Variants in KCNQ1 observed in about 807,000 individuals in gnomAD.
KCNQ1 encodes the protein potassium voltage-gated channel subfamily KQT member 1.
In KCNQ1, 49 loss-of-function variants were observed where a neutral mutation model predicts 72.4. The observed-to-expected ratio is 0.68, with a 90% CI of 0.54 to 0.86. The LOEUF is 0.86. Among genes scored for constraint, KCNQ1 ranks in the 40% least tolerant of loss-of-function variants. The pLI is 0.00. For synonymous variants in KCNQ1, 450 were observed against 412.6 expected (o/e 1.09, Z -1.10); for missense variants, 790 against 945.1 (o/e 0.84, Z 2.15).
At chr11:2,740,621 G>A (rs1366974995) in intron 11 of KCNQ1, among the ~76,000 whole-genome samples, 2 of 152,236 alleles carry the variant, frequency 1.3e-5, no homozygotes, top group African/African-American at 4.8e-5. Flanking sequence ...GCTGGAACAA[G>A]TCGCCAAAAT....
chr11:2,835,423 A>ACACACACG (rs1848041665), intron 15 of KCNQ1, among the ~76,000 whole-genome samples: 1 of 151,746 alleles, frequency 6.6e-6, no homozygotes, highest in East Asian at 1.9e-4. Context: ...ACACACACAC[A>ACACACACG]CACACGCACA....
At chr11:2,694,371 G>C (rs1850638219) in intron 11 of KCNQ1, 1 of 398,646 alleles carries the variant, frequency 2.5e-6, no homozygotes, top group Non-Finnish European at 4.4e-6. Flanking sequence ...GATATTTTTG[G>C]CTATCATGAC....
chr11:2,713,332 G>A lies in KCNQ1; in HGVS notation c.1514+51251G>A, dbSNP rs146188913. On this transcript the variant is annotated intron_variant, in intron 11 of 15. Coordinates refer to ENST00000155840, the MANE Select transcript of KCNQ1 (RefSeq NM_000218.3). The surrounding 1 kb of genome is among the most constrained non-coding windows in gnomAD (Gnocchi z 5.6). ...CTTCTGGGCTCTTCCTCTGCTGCTCGCCATAAAAACTCTCCAGTCATCTTT... is the reference window on the plus strand; with the variant it reads ...CTTCTGGGCTCTTCCTCTGCTGCTCACCATAAAAACTCTCCAGTCATCTTT... Among the ~76,000 whole-genome samples the A allele has an allele frequency of 3.3e-3, 502 of 152,212 alleles. 4 individuals are homozygous for A. The highest frequency in any genetic ancestry group is 3.9e-3 in the Non-Finnish European group (266 of 68,030).
rs1026394085 is a variant in KCNQ1, at chr11:2,613,945, A to G, written c.1393+25091A>G. ...TGCCCTTTTGAACTTTGCTTTTCTCACCTAACAACATCTCCTAGAAATCAC... is the reference window on the plus strand; with the variant it reads ...TGCCCTTTTGAACTTTGCTTTTCTCGCCTAACAACATCTCCTAGAAATCAC... On this transcript the variant is annotated intron_variant, in intron 10 of 15. Coordinates refer to ENST00000155840, the MANE Select transcript of KCNQ1 (RefSeq NM_000218.3). The surrounding 1 kb of genome is among the most constrained non-coding windows in gnomAD (Gnocchi z 4.8). 1.3e-5 allele frequency: 5 copies of G among 398,420 alleles called. No individual in the cohort carries two copies. Among genetic ancestry groups the G allele is most frequent in the African/African-American group, 1.0e-4 (5 of 48,604 alleles). The allele number at this position is 398,420 out of a possible 1,614,324, so 24.7% of individuals were successfully genotyped here. A position where few individuals can be genotyped will look rare whatever the true frequency, so the allele number is the denominator to read the frequency against.
chr11:2,744,829 C>G (rs760288617), intron 11 of KCNQ1, among the ~76,000 whole-genome samples: 1 of 152,266 alleles, frequency 6.6e-6, no homozygotes, highest in African/African-American at 2.4e-5. Flanking sequence ...CCTTTGCATT[C>G]GGAAGAATCC....
At chr11:2,685,023 C>G in intron 11 of KCNQ1, 1 of 398,658 alleles carries the variant, frequency 2.5e-6, no homozygotes, top group Non-Finnish European at 4.4e-6. Context: ...CCATCCCTGT[C>G]TCATGGGTGA....
In KCNQ1 at chr11:2,611,771, A is replaced by G. The variant is rs1848982686; in HGVS notation, c.1393+22917A>G. 2 of 398,446 alleles carry G rather than the reference A, an allele frequency of 5.0e-6. No individual in the cohort carries two copies. The highest frequency in any genetic ancestry group is 8.8e-6 in the Non-Finnish European group (2 of 226,002). The allele number at this position is 398,446 out of a possible 1,614,324, so 24.7% of individuals were successfully genotyped here. A position where few individuals can be genotyped will look rare whatever the true frequency, so the allele number is the denominator to read the frequency against. ...TTGTTATTTATTTTCTATATGTCTC[A>G]TATCACTTTTGTTCCTCTCTTCCTC... On this transcript the variant is annotated intron_variant, in intron 10 of 15. Coordinates refer to ENST00000155840, the MANE Select transcript of KCNQ1 (RefSeq NM_000218.3). The surrounding 1 kb of genome is among the most constrained non-coding windows in gnomAD (Gnocchi z 5.3).
In KCNQ1 at chr11:2,803,973, C is replaced by A. The variant is rs1335595480; in HGVS notation, c.1794+25936C>A. Among the ~76,000 whole-genome samples the A allele has an allele frequency of 6.6e-6, 1 of 152,128 alleles. No individual in the cohort carries two copies. Among genetic ancestry groups the A allele is most frequent in the Non-Finnish European group, 1.5e-5 (1 of 68,028 alleles). On this transcript the variant is annotated intron_variant, in intron 15 of 15. Coordinates refer to ENST00000155840, the MANE Select transcript of KCNQ1 (RefSeq NM_000218.3). The surrounding 1 kb of genome is among the most constrained non-coding windows in gnomAD (Gnocchi z 6.4). ...CACAGAGCCTTGGCCAGCATGTGGC[C>A]GCAGCCCCAACTGCAGCGGAAGGTA...
chr11:2,654,791 G>T lies in KCNQ1; in HGVS notation c.1394-7170G>T. On this transcript the variant is annotated intron_variant, in intron 10 of 15. Coordinates refer to ENST00000155840, the MANE Select transcript of KCNQ1 (RefSeq NM_000218.3). The surrounding 1 kb of genome is among the most constrained non-coding windows in gnomAD (Gnocchi z 6.4). Reference sequence around the variant, plus strand: ...AGGAAGTGAGACCAGAATTTCTTGGGAACAGAAAGCCTCAAAGACTTTCAT... The same window carrying T: ...AGGAAGTGAGACCAGAATTTCTTGGTAACAGAAAGCCTCAAAGACTTTCAT... The T allele has an allele frequency of 2.5e-6, 1 of 398,620 alleles. No homozygotes were observed. The highest frequency in any genetic ancestry group is 1.3e-4 in the South Asian group (1 of 7,840). 24.7% of individuals were successfully genotyped at this position (398,620 alleles called of 1,614,324 possible).
In KCNQ1 at chr11:2,612,850, C is replaced by G. The variant is rs1441339672; in HGVS notation, c.1393+23996C>G. ...TACTTTAGATAATATATCGTAGAAA[C>G]TCTGGATTCTAGTTCTTCTCCCTAA... On this transcript the variant is annotated intron_variant, in intron 10 of 15. Transcript: ENST00000155840. This position sits in a 1 kb window ranked among gnomAD's most constrained non-coding sequence, Gnocchi z 5.5. 1 of 398,334 alleles carries G rather than the reference C, an allele frequency of 2.5e-6. No individual in the cohort carries two copies. Among genetic ancestry groups the G allele is most frequent in the Non-Finnish European group, 4.4e-6 (1 of 226,044 alleles). 24.7% of individuals were successfully genotyped at this position (398,334 alleles called of 1,614,324 possible).
Position 2,713,594 on chromosome 11 carries a change from G to A in KCNQ1, c.1514+51513G>A, listed in dbSNP as rs951704719. ...CGTGGATAGGTTTCTGTTCTCCCTC[G>A]ACCCACCCAGCAAGAGAAAAAAGTG... is the stretch of plus-strand genomic sequence containing the variant. On this transcript the variant is annotated intron_variant, in intron 11 of 15. Transcript: ENST00000155840. The surrounding 1 kb of genome is among the most constrained non-coding windows in gnomAD (Gnocchi z 5.6). 4.6e-5 allele frequency among the ~76,000 whole-genome samples: 7 copies of A among 152,138 alleles called. No homozygotes were observed. The East Asian group carries it at 7.8e-4, about 17-fold the overall frequency.
Position 2,751,094 on chromosome 11 carries a change from C to T in KCNQ1, c.1515-17750C>T, listed in dbSNP as rs369804844. On this transcript the variant is annotated intron_variant, in intron 11 of 15. Transcript: ENST00000155840. ...CCCAATTTGGGTCACCCACAGCCCC[C>T]GCACCCCACAGCAATTTCTTGGGAG... 3.3e-5 allele frequency among the ~76,000 whole-genome samples: 5 copies of T among 152,182 alleles called. 1 individual carries two copies. Among genetic ancestry groups the T allele is most frequent in the South Asian group, 4.1e-4 (2 of 4,832 alleles).
In KCNQ1 at chr11:2,813,407, A is replaced by G. The variant is rs184491076; in HGVS notation, c.1795-34360A>G. Among the ~76,000 whole-genome samples the G allele has an allele frequency of 1.1e-3, 55 of 48,960 alleles. No homozygotes were observed. Among genetic ancestry groups the G allele is most frequent in the Middle Eastern group, 0.018 (2 of 114 alleles). The allele number at this position is 48,960 out of a possible 152,430, so 32.1% of individuals were successfully genotyped here. A position where few individuals can be genotyped will look rare whatever the true frequency, so the allele number is the denominator to read the frequency against. Reference sequence around the variant, plus strand: ...AGACCTGCACCTCTTTTTCACCCCCAAACCCGCCTGCCCGTCAGTGCTTAG... The same window carrying G: ...AGACCTGCACCTCTTTTTCACCCCCGAACCCGCCTGCCCGTCAGTGCTTAG... On this transcript the variant is annotated intron_variant, in intron 15 of 15. Transcript: ENST00000155840. The surrounding 1 kb of genome is among the most constrained non-coding windows in gnomAD (Gnocchi z 4.4).
At chr11:2,503,456 G>A (rs1279417073) in intron 1 of KCNQ1, among the ~76,000 whole-genome samples, 5 of 148,516 alleles carry the variant, frequency 3.4e-5, no homozygotes, top group East Asian at 2.0e-4. Context: ...ACCAAACACC[G>A]CATGTTCTCA....
At chr11:2,740,084 C>T (rs1846026078) in intron 11 of KCNQ1, among the ~76,000 whole-genome samples, 1 of 152,216 alleles carries the variant, frequency 6.6e-6, no homozygotes, top group Non-Finnish European at 1.5e-5. Context: ...CAGACAGAGG[C>T]AAGCCCTGCA....
chr11:2,474,272 C>T (rs1846537016), intron 1 of KCNQ1, among the ~76,000 whole-genome samples: 1 of 152,086 alleles, frequency 6.6e-6, no homozygotes. Context: ...CTTGTGGCGC[C>T]CGGGCCACAG....
chr11:2,553,749 C>A (rs1274419441), intron 2 of KCNQ1, among the ~76,000 whole-genome samples: 1 of 151,288 alleles, frequency 6.6e-6, no homozygotes, highest in African/African-American at 2.4e-5. Flanking sequence ...GAGTCTTGGT[C>A]TTTTTGCCCA....
In KCNQ1 at chr11:2,455,243, G is replaced by A. The variant is rs567653628; in HGVS notation, c.386+9759G>A. On this transcript the variant is annotated intron_variant, in intron 1 of 15. Transcript: ENST00000155840. Reference sequence around the variant, plus strand: ...CTCCCAAGTAGCTGGGACAACAGGCGTCTGCCACCACGCCCGGCTAATTTT... The same window carrying A: ...CTCCCAAGTAGCTGGGACAACAGGCATCTGCCACCACGCCCGGCTAATTTT... Among the ~76,000 whole-genome samples, 288 of 152,174 alleles carry A rather than the reference G, an allele frequency of 1.9e-3. 1 individual carries two copies. The highest frequency in any genetic ancestry group is 5.5e-3 in the African/African-American group (229 of 41,528).
At chr11:2,741,049 G>A (rs559416419) in intron 11 of KCNQ1, among the ~76,000 whole-genome samples, 1 of 152,314 alleles carries the variant, frequency 6.6e-6, no homozygotes, top group East Asian at 1.9e-4. Context: ...ACTCCTTTGG[G>A]GGCGCCCTGG....
Sources: allele counts gnomAD v4.1 joint callset (sites outside exome capture counted in the v4.1 genomes callset), GRCh38; gene constraint gnomAD v4.1.1; non-coding constraint Gnocchi (gnomAD v3.1); transcripts MANE v1.5; gene names NCBI Gene and HGNC (gene_info 2026-07-23, HGNC 2026-07-21).